RIC8B: variants seen among roughly 807,000 people sequenced by gnomAD.
RIC8B encodes the protein chaperone Ric-8B.
A neutral mutation model predicts 57.5 loss-of-function variants in RIC8B; 16 were observed. That is an observed-to-expected ratio of 0.28 (90% confidence interval 0.19 to 0.42). RIC8B has a LOEUF of 0.42. Among genes scored for constraint, RIC8B ranks in the 10% least tolerant of loss-of-function variants. The probability of loss-of-function intolerance (pLI) is 1.00; values close to 1 mark genes in which losing one functional copy is unlikely to be tolerated. For synonymous variants in RIC8B, 216 were observed against 250.8 expected (o/e 0.86, Z 1.31); for missense variants, 481 against 677.0 (o/e 0.71, Z 3.21).
intron 6 of RIC8B, among the ~76,000 whole-genome samples, chr12:106,844,762 G>T (rs2136431764): frequency 6.6e-6 from 1 of 152,304 alleles, no homozygotes; most frequent in Non-Finnish European, 1.5e-5. Flanking sequence ...CATACTTGGG[G>T]ATATGTTTTA....
intron 2 of RIC8B, among the ~76,000 whole-genome samples, chr12:106,792,177 C>G (rs2044286260): frequency 6.6e-6 from 1 of 152,184 alleles, no homozygotes; most frequent in Non-Finnish European, 1.5e-5. Flanking sequence ...CAGCTGGAAT[C>G]TGACACAAGA....
At chr12:106,806,894 C>T (rs1223837266) in intron 2 of RIC8B, among the ~76,000 whole-genome samples, 1 of 152,158 alleles carries the variant, frequency 6.6e-6, no homozygotes, top group Non-Finnish European at 1.5e-5. Context: ...CTGATGGCTG[C>T]TTAGGGCTCC....
rs1212475761 is a variant in RIC8B, at chr12:106,879,173, T to C, written c.1572-6731T>C. The C allele has an allele frequency of 6.1e-6, 6 of 985,752 alleles. No individual in the cohort carries two copies. Among genetic ancestry groups the C allele is most frequent in the African/African-American group, 1.7e-5 (1 of 57,246 alleles). The allele number at this position is 985,752 out of a possible 1,614,324, so 61.1% of individuals were successfully genotyped here. On this transcript the variant is annotated intron_variant, in intron 9 of 9. Coordinates refer to ENST00000392837, the MANE Select transcript of RIC8B (RefSeq NM_001330145.2). The surrounding 1 kb of genome is among the most constrained non-coding windows in gnomAD (Gnocchi z 4.9). The stretch of plus-strand genomic sequence containing the variant: ...GAGATCTGCAAGTGGGAAACAAGAA[T>C]GCATTTTACCAACTGCTTAATTATG...
chr12:106,878,552 A>G (rs1238291324), intron 9 of RIC8B, among the ~76,000 whole-genome samples: 1 of 152,162 alleles, frequency 6.6e-6, no homozygotes, highest in East Asian at 1.9e-4. Context: ...TTATATACTA[A>G]TTTCTCATCC....
intron 4 of RIC8B, among the ~76,000 whole-genome samples, chr12:106,834,004 G>A (rs1015999252): frequency 3.9e-5 from 6 of 152,174 alleles, no homozygotes; most frequent in African/African-American, 1.4e-4. Context: ...ATGATTGTAA[G>A]CTTCCTGAGA....
chr12:106,811,325 T>G (rs1193413423), intron 2 of RIC8B, among the ~76,000 whole-genome samples: 2 of 152,252 alleles, frequency 1.3e-5, no homozygotes, highest in Non-Finnish European at 2.9e-5. Flanking sequence ...TAATCATAGT[T>G]CAGTGATTCT....
intron 2 of RIC8B, among the ~76,000 whole-genome samples, chr12:106,805,173 A>G (rs1011265207): frequency 6.6e-6 from 1 of 152,132 alleles, no homozygotes; most frequent in Non-Finnish European, 1.5e-5. Context: ...AGGCAGCAAC[A>G]TTTTCTTTTT....
At chr12:106,827,474 A>T (rs1593227896) in intron 4 of RIC8B, among the ~76,000 whole-genome samples, 3 of 152,356 alleles carry the variant, frequency 2.0e-5, no homozygotes, top group South Asian at 4.1e-4. Flanking sequence ...AAAGTGAAAC[A>T]TATGCTTAAT....
intron 2 of RIC8B, among the ~76,000 whole-genome samples, chr12:106,807,135 A>G (rs1269409459): frequency 1.3e-5 from 2 of 152,198 alleles, no homozygotes; most frequent in Admixed American, 6.5e-5. Context: ...CTCCGCTGCT[A>G]CCACTCTAGT....
At chr12:106,829,672 T>C (rs1241370175) in intron 4 of RIC8B, among the ~76,000 whole-genome samples, 1 of 152,200 alleles carries the variant, frequency 6.6e-6, no homozygotes, top group Non-Finnish European at 1.5e-5. Context: ...ATCTTTTAAG[T>C]GTACAATTTG....
At chr12:106,877,791 T>C (rs556898022) in intron 9 of RIC8B, among the ~76,000 whole-genome samples, 13 of 152,284 alleles carry the variant, frequency 8.5e-5, no homozygotes, top group African/African-American at 3.1e-4. Context: ...TAATAAACTT[T>C]CTTGAAACAT....
intron 1 of RIC8B, among the ~76,000 whole-genome samples, chr12:106,782,949 A>G (rs762930252): frequency 2.6e-5 from 4 of 152,216 alleles, no homozygotes; most frequent in Non-Finnish European, 5.9e-5. Context: ...AAGGCTTAGA[A>G]TTCTTAAGAG....
intron 8 of RIC8B, among the ~76,000 whole-genome samples, chr12:106,860,931 T>A (rs1949905395): frequency 6.6e-6 from 1 of 151,996 alleles, no homozygotes; most frequent in Non-Finnish European, 1.5e-5. Flanking sequence ...CATATAAGAC[T>A]CATCTTTTAA....
chr12:106,843,041 C>G (rs1949027492), intron 5 of RIC8B, among the ~76,000 whole-genome samples: 1 of 152,106 alleles, frequency 6.6e-6, no homozygotes. Flanking sequence ...TATGTTCATG[C>G]AACACCAAAA....
At chr12:106,874,337 T>A in intron 9 of RIC8B, 2 of 664,140 alleles carry the variant, frequency 3.0e-6, no homozygotes, top group Non-Finnish European at 5.5e-6. Flanking sequence ...GAGTGTACCA[T>A]AGCTTTGTCT....
chr12:106,828,081 C>G (rs1282246535), intron 4 of RIC8B, among the ~76,000 whole-genome samples: 1 of 152,162 alleles, frequency 6.6e-6, no homozygotes, highest in Non-Finnish European at 1.5e-5. Flanking sequence ...CTTAGTGATG[C>G]TAGCTTTTTT....
At chr12:106,871,471 T>TAAAAAAAAAAAAA (rs1387727022) in intron 9 of RIC8B, 5 of 30,916 alleles carry the variant, frequency 1.6e-4, no homozygotes, top group Non-Finnish European at 2.3e-4. Flanking sequence ...TTAGGAGTTC[T>TAAAAAAAAAAAAA]AAAAAAAAAA....
intron 1 of RIC8B, 113 bp downstream of exon 1, chr12:106,774,942 C>T: frequency 1.2e-6 from 1 of 806,834 alleles, no homozygotes; most frequent in South Asian, 1.8e-5. Context: ...TTGCTCTCCC[C>T]CGAAAACGTT....
chr12:106,837,560 C>T (rs563242575), intron 4 of RIC8B, among the ~76,000 whole-genome samples: 27 of 151,480 alleles, frequency 1.8e-4, no homozygotes, highest in African/African-American at 6.1e-4. Context: ...GAAATAGTGC[C>T]TGGCATAAGT....
Sources: gnomAD v4.1 joint callset for allele counts (sites outside exome capture counted in the v4.1 genomes callset) on GRCh38, gnomAD v4.1.1 for gene constraint, Gnocchi (gnomAD v3.1) non-coding constraint, MANE v1.5 for transcripts, NCBI Gene and HGNC (gene_info 2026-07-23, HGNC 2026-07-21) for gene names.